WDR26: variants seen among roughly 807,000 people sequenced by gnomAD.
WDR26 encodes WD repeat-containing protein 26.
A neutral mutation model predicts 84.1 loss-of-function variants in WDR26; 5 were observed. That is an observed-to-expected ratio of 0.06 (90% confidence interval 0.03 to 0.13). The LOEUF is 0.13. Ranked by LOEUF, WDR26 falls within the 10% of genes least tolerant of loss-of-function variation. The probability of loss-of-function intolerance (pLI) is 1.00; values close to 1 mark genes in which losing one functional copy is unlikely to be tolerated. For synonymous variants in WDR26, 415 were observed against 389.6 expected (o/e 1.07, Z -0.77); for missense variants, 642 against 974.9 (o/e 0.66, Z 4.55).
In WDR26 at chr1:224,389,693, C is replaced by T; in HGVS notation, c.*142G>A. The T allele has an allele frequency of 8.3e-6, 7 of 842,336 alleles. No individual in the cohort carries two copies. The highest frequency in any genetic ancestry group is 1.2e-5 in the Non-Finnish European group (6 of 511,510). The allele number at this position is 842,336 out of a possible 1,614,324, so 52.2% of individuals were successfully genotyped here. A position where few individuals can be genotyped will look rare whatever the true frequency, so the allele number is the denominator to read the frequency against. On this transcript the variant is annotated 3_prime_UTR_variant, in exon 14 of 14. Coordinates refer to ENST00000414423, the MANE Select transcript of WDR26 (RefSeq NM_001379403.1). ...GAAGCAAGGTGTAAATGTTTGGCCC[C>T]AATCGGGCTTCAGAAATGGTTCTTT...
At position 224,434,280 on chromosome 1, in the gene WDR26, G is replaced by A. The variant is rs1674533565; in HGVS notation, c.126C>T (p.Pro42=). ...GGCCTGCTCTGCCTGCCGAAGCCCC[G>A]GGCTCTCCTACTCCCTCCGCCGCCG... is the stretch of plus-strand genomic sequence containing the variant. The change falls in exon 1 of 14, where the codon CCC becomes CCT. Residue 42 remains proline, a synonymous_variant. Coordinates refer to ENST00000414423, the MANE Select transcript of WDR26 (RefSeq NM_001379403.1). 5.5e-6 allele frequency: 7 copies of A among 1,278,702 alleles called. 1 individual carries two copies. Among genetic ancestry groups the A allele is most frequent in the Non-Finnish European group, 6.9e-6 (7 of 1,014,132 alleles). 79.2% of individuals were successfully genotyped at this position (1,278,702 alleles called of 1,614,324 possible).
At chr1:224,389,902 G>GGGA in intron 13 of WDR26, 42 bp from the exon 14 acceptor site, 3 of 376,262 alleles carry the variant, frequency 8.0e-6, no homozygotes, top group South Asian at 2.4e-5. Flanking sequence ...GCGGGCGGGG[G>GGGA]AGGGAAGAGG....
intron 4 of WDR26, among the ~76,000 whole-genome samples, chr1:224,420,820 G>C (rs931033127): frequency 2.6e-4 from 40 of 152,186 alleles, no homozygotes; most frequent in African/African-American, 9.2e-4. Flanking sequence ...GGATGGTCTT[G>C]ATCTCCTGAC....
intron 8 of WDR26, among the ~76,000 whole-genome samples, chr1:224,403,924 G>A (rs371073616): frequency 1.4e-3 from 209 of 152,244 alleles, no homozygotes; most frequent in African/African-American, 4.9e-3. Flanking sequence ...GCGACAGAGC[G>A]AGACTCTGTC....
At chr1:224,395,054 T>C (rs906174879) in intron 12 of WDR26, among the ~76,000 whole-genome samples, 6 of 152,152 alleles carry the variant, frequency 3.9e-5, no homozygotes, top group Admixed American at 3.9e-4. Flanking sequence ...AGCCACATAG[T>C]ATAGAGAGTA....
chr1:224,431,888 C>G, intron 1 of WDR26, 107 bp from the exon 2 acceptor site: 3 of 833,884 alleles, frequency 3.6e-6, no homozygotes, highest in Non-Finnish European at 5.1e-6. Flanking sequence ...AAGCTAGCCT[C>G]ATGATGAAGA....
chr1:224,409,034 G>A (rs1306470055), intron 7 of WDR26, among the ~76,000 whole-genome samples: 1 of 152,052 alleles, frequency 6.6e-6, no homozygotes, highest in Admixed American at 6.6e-5. Flanking sequence ...GCAGTACTGG[G>A]TATATTAGTA....
At chr1:224,406,420 A>AAT (rs1372186936) in intron 7 of WDR26, among the ~76,000 whole-genome samples, 1 of 152,160 alleles carries the variant, frequency 6.6e-6, no homozygotes, top group Non-Finnish European at 1.5e-5. Context: ...TTCCAATGGG[A>AAT]TGACCCACCA....
chr1:224,401,204 T>C, intron 8 of WDR26, 135 bp from the exon 9 acceptor site: 1 of 827,354 alleles, frequency 1.2e-6, no homozygotes, highest in Non-Finnish European at 1.8e-6. Flanking sequence ...TAAGTGACCC[T>C]ACAAAAAAGA....
rs1394488602 is a variant in WDR26, at chr1:224,410,303, G to GGAAAA, written c.1458+1119_1458+1123dup. ...TCTCAAAAAAAAAAAAAAAAAAAGAGGAAAAGAAAAGAAAAGAAAAGAAGT... is the reference window on the plus strand; with the variant it reads ...TCTCAAAAAAAAAAAAAAAAAAAGAGGAAAAGAAAAGAAAAGAAAAGAAAAGAAGT... On this transcript the variant is annotated intron_variant, in intron 7 of 13. Transcript: ENST00000414423. 5.9e-4 allele frequency among the ~76,000 whole-genome samples: 86 copies of GGAAAA among 146,196 alleles called. 1 individual carries two copies. Among genetic ancestry groups the GGAAAA allele is most frequent in the Non-Finnish European group, 9.2e-4 (61 of 66,468 alleles).
intron 12 of WDR26, among the ~76,000 whole-genome samples, chr1:224,397,077 T>C (rs1296298774): frequency 2.0e-5 from 3 of 152,324 alleles, no homozygotes; most frequent in East Asian, 1.9e-4. Flanking sequence ...AAGATAGGGA[T>C]AGTAAACATC....
intron 9 of WDR26, among the ~76,000 whole-genome samples, chr1:224,399,699 C>A (rs1366840565): frequency 2.0e-5 from 3 of 152,176 alleles, no homozygotes; most frequent in East Asian, 3.8e-4. Context: ...CAATTCATAA[C>A]CATATTGAGA....
At chr1:224,413,478 T>C (rs564322451) in intron 6 of WDR26, 279 of 269,146 alleles carry the variant, frequency 1.0e-3, no homozygotes, top group Non-Finnish European at 1.7e-3. Flanking sequence ...CTACTATACA[T>C]GTGTGATTTT....
chr1:224,411,578 G>A lies in WDR26; in HGVS notation c.1320-13C>T. ...TGGGAACTGCCTCCTAAAACAAAGA[G>A]GTCCACAAATTATTCTTTCAAAACA... On this transcript the variant is annotated splice_polypyrimidine_tract_variant and intron_variant, in intron 6 of 13. Coordinates refer to ENST00000414423, the MANE Select transcript of WDR26 (RefSeq NM_001379403.1). 1 of 1,566,580 alleles carries A rather than the reference G, an allele frequency of 6.4e-7. No individual in the cohort carries two copies.
In WDR26 at chr1:224,411,319, TTAGAA is replaced by T. The variant is rs564583867; in HGVS notation, c.1458+103_1458+107del. 1,732 of 1,225,808 alleles carry T rather than the reference TTAGAA, an allele frequency of 1.4e-3. 5 individuals carry two copies. Among genetic ancestry groups the T allele is most frequent in the Middle Eastern group, 0.012 (43 of 3,656 alleles). The allele number at this position is 1,225,808 out of a possible 1,614,324, so 75.9% of individuals were successfully genotyped here. A position where few individuals can be genotyped will look rare whatever the true frequency, so the allele number is the denominator to read the frequency against. On this transcript the variant is annotated intron_variant, in intron 7 of 13. Transcript: ENST00000414423. ...GATGTAAAAATGATAAAAAATGCTC[TTAGAA>T]AAGAATACTATTGATACATATATAC... is the stretch of plus-strand genomic sequence containing the variant.
rs1351019862 is a variant in WDR26 at position 224,434,390 on chromosome 1, C to G, written c.16G>C (p.Glu6Gln). 8.9e-7 allele frequency: 1 copy of G among 1,126,440 alleles called. No homozygotes were observed. Among genetic ancestry groups the G allele is most frequent in the Non-Finnish European group, 1.1e-6 (1 of 922,758 alleles). 69.8% of individuals were successfully genotyped at this position (1,126,440 alleles called of 1,614,324 possible). The change falls in exon 1 of 14, where the codon GAG (glutamate) becomes CAG (glutamine). Residue 6 changes from glutamate to glutamine, a missense_variant. Physicochemically the swap from Glu to Gln is conservative, Grantham distance 29. Transcript: ENST00000414423. Reference sequence around the variant, plus strand: ...GAGGAAGCGGAGGCCAGAGTTTCCTCGCCGAGAGAGGCCGTGGTGGGAAGC... The same window carrying G: ...GAGGAAGCGGAGGCCAGAGTTTCCTGGCCGAGAGAGGCCGTGGTGGGAAGC...
intron 6 of WDR26, among the ~76,000 whole-genome samples, chr1:224,414,901 C>T (rs1352088699): frequency 6.6e-6 from 1 of 152,204 alleles, no homozygotes; most frequent in Non-Finnish European, 1.5e-5. Context: ...TGGTGGTCCA[C>T]ACCTGAAGCC....
chr1:224,385,913 A>G lies in WDR26; in HGVS notation c.*3922T>C, dbSNP rs1252937847. The G allele has an allele frequency of 6.6e-6, 1 of 152,272 alleles. No individual in the cohort carries two copies. The highest frequency in any genetic ancestry group is 1.5e-5 in the Non-Finnish European group (1 of 68,026). The allele number at this position is 152,272 out of a possible 1,614,324, so 9.4% of individuals were successfully genotyped here. On this transcript the variant is annotated 3_prime_UTR_variant, in exon 14 of 14. Coordinates refer to ENST00000414423, the MANE Select transcript of WDR26 (RefSeq NM_001379403.1). ...CACGAGACTTTCAGTAAAAATGACA[A>G]GATCCTAGAACAGCTGTTTCCAGGA...
chr1:224,406,795 T>A (rs979830174), intron 7 of WDR26, among the ~76,000 whole-genome samples: 1 of 151,964 alleles, frequency 6.6e-6, no homozygotes, highest in Non-Finnish European at 1.5e-5. Flanking sequence ...AACACAAAGA[T>A]TTGCTTTTAA....
Sources: allele counts gnomAD v4.1 joint callset (sites outside exome capture counted in the v4.1 genomes callset), GRCh38; gene constraint gnomAD v4.1.1; transcripts MANE v1.5; gene names NCBI Gene and HGNC (gene_info 2026-07-23, HGNC 2026-07-21).